The following PDLIM5 variants were observed in gnomAD, a reference collection of about 807,000 sequenced individuals.
PDLIM5 encodes the protein PDZ and LIM domain 5, also known as PDZ and LIM domain protein 5.
Under a neutral mutation model 64.2 loss-of-function variants are expected in PDLIM5, and 34 were observed. The observed-to-expected ratio is 0.53, with a 90% CI of 0.40 to 0.71. PDLIM5 has a LOEUF of 0.71. Among genes scored for constraint, PDLIM5 ranks in the 30% least tolerant of loss-of-function variants. The pLI is 0.00. For missense variants in PDLIM5, 683 were observed against 733.6 expected (o/e 0.93, Z 0.80); for synonymous variants, 253 against 269.1 (o/e 0.94, Z 0.59).
intron 2 of PDLIM5, among the ~76,000 whole-genome samples, chr4:94,496,677 A>G (rs1382294179): frequency 6.6e-5 from 10 of 152,040 alleles, no homozygotes; most frequent in African/African-American, 2.2e-4. Flanking sequence ...TTTTGTAGAG[A>G]CAGGGTTTTA....
intron 9 of PDLIM5, among the ~76,000 whole-genome samples, chr4:94,652,255 C>G (rs1741898774): frequency 6.6e-6 from 1 of 152,286 alleles, no homozygotes; most frequent in East Asian, 1.9e-4. Context: ...AGTCCTCCAG[C>G]CTTATGGATG....
At chr4:94,455,745 A>G in intron 2 of PDLIM5, 1 of 1,494,328 alleles carries the variant, frequency 6.7e-7, no homozygotes, top group Non-Finnish European at 9.0e-7. Flanking sequence ...AATCTCTTTC[A>G]GTTCCAAAAG....
intron 3 of PDLIM5, among the ~76,000 whole-genome samples, chr4:94,564,344 G>A (rs969165431): frequency 6.6e-6 from 1 of 152,092 alleles, no homozygotes; most frequent in Non-Finnish European, 1.5e-5. Flanking sequence ...TCTGCCCCCA[G>A]CCATCTCTGC....
chr4:94,537,361 G>T (rs1012964763), intron 3 of PDLIM5, among the ~76,000 whole-genome samples: 1 of 152,050 alleles, frequency 6.6e-6, no homozygotes, highest in Admixed American at 6.6e-5. Flanking sequence ...TGAAATAATA[G>T]GTTATTTATT....
chr4:94,523,407 G>A (rs1393022917), intron 2 of PDLIM5, among the ~76,000 whole-genome samples: 1 of 152,112 alleles, frequency 6.6e-6, no homozygotes, highest in East Asian at 1.9e-4. Flanking sequence ...AAGTTTCCTT[G>A]GCTGCTTCTC....
At chr4:94,627,941 C>G (rs926226351) in intron 8 of PDLIM5, among the ~76,000 whole-genome samples, 2 of 152,156 alleles carry the variant, frequency 1.3e-5, no homozygotes, top group African/African-American at 4.8e-5. Flanking sequence ...AATGTATCTT[C>G]CACACCAGAA....
At chr4:94,654,420 T>C in intron 9 of PDLIM5, 40 bp from the exon 10 acceptor site, 1 of 1,364,792 alleles carries the variant, frequency 7.3e-7, no homozygotes, top group South Asian at 1.2e-5. Flanking sequence ...CTCTAGAAAT[T>C]TTATTCTCAA....
chr4:94,523,866 C>T lies in PDLIM5; in HGVS notation c.239C>T (p.Thr80Ile). 1.2e-6 allele frequency: 2 copies of T among 1,611,244 alleles called. No homozygotes were observed. The highest frequency in any genetic ancestry group is 1.7e-6 in the Non-Finnish European group (2 of 1,178,210). The change falls in exon 3 of 13, where the codon ACT becomes ATT. Residue 80 changes from threonine (T) to isoleucine (I), a missense_variant. Transcript: ENST00000317968. ...IKGCTGSLNM[T>I]LQRASAAPKP... ...GGTTGTACAGGCTCTTTGAATATGA[C>T]TCTGCAAAGGTAAGTTGCTTTTTGT... is the stretch of plus-strand genomic sequence containing the variant.
intron 3 of PDLIM5, among the ~76,000 whole-genome samples, chr4:94,531,685 C>T (rs749902237): frequency 6.6e-6 from 1 of 152,194 alleles, no homozygotes; most frequent in Non-Finnish European, 1.5e-5. Context: ...CAGATCAGTT[C>T]ATAGCTTATG....
At chr4:94,635,120 C>T (rs982512405) in intron 8 of PDLIM5, among the ~76,000 whole-genome samples, 1 of 151,840 alleles carries the variant, frequency 6.6e-6, no homozygotes, top group African/African-American at 2.4e-5. Flanking sequence ...TTAAAGTTAA[C>T]GAAAGAGATT....
In PDLIM5 at chr4:94,478,905, T is replaced by G. The variant is rs958574302; in HGVS notation, c.96+23521T>G. Among the ~76,000 whole-genome samples, 11 of 147,256 alleles carry G rather than the reference T, an allele frequency of 7.5e-5. No individual in the cohort carries two copies. The South Asian group carries it at 1.7e-3, about 23-fold the overall frequency. On this transcript the variant is annotated intron_variant, in intron 2 of 12. Coordinates refer to ENST00000317968, the MANE Select transcript of PDLIM5 (RefSeq NM_006457.5). ...TGTGCTTGGTGTTTTTTTTTTTTTTTTTTTTTTTTTTTAAGACAGGGTCTT... is the reference window on the plus strand; with the variant it reads ...TGTGCTTGGTGTTTTTTTTTTTTTTGTTTTTTTTTTTTAAGACAGGGTCTT...
chr4:94,597,492 G>A (rs534908985), intron 7 of PDLIM5, among the ~76,000 whole-genome samples: 2 of 152,080 alleles, frequency 1.3e-5, no homozygotes, highest in African/African-American at 2.4e-5. Flanking sequence ...AAGTGATGTC[G>A]TCAAGGGTGA....
rs190084455 is a variant in PDLIM5 at position 94,628,163 on chromosome 4, G to T, written c.1108+9972G>T. ...AGGTAGTTATTATTGCTGTTTTACAGATGAGGTAACTTAAGACCCAGAATG... is the reference window on the plus strand; with the variant it reads ...AGGTAGTTATTATTGCTGTTTTACATATGAGGTAACTTAAGACCCAGAATG... On this transcript the variant is annotated intron_variant, in intron 8 of 12. Coordinates refer to ENST00000317968, the MANE Select transcript of PDLIM5 (RefSeq NM_006457.5). Among the ~76,000 whole-genome samples, 9 of 152,266 alleles carry T rather than the reference G, an allele frequency of 5.9e-5. No homozygotes were observed. In the East Asian group the frequency reaches 1.7e-3, roughly 29 times the overall value.
chr4:94,545,486 A>C (rs906880679), intron 3 of PDLIM5, among the ~76,000 whole-genome samples: 1 of 152,210 alleles, frequency 6.6e-6, no homozygotes, highest in African/African-American at 2.4e-5. Flanking sequence ...CACATACCAA[A>C]AATGGAAAAA....
chr4:94,652,572 GTTATT>G (rs1741923858), intron 9 of PDLIM5, among the ~76,000 whole-genome samples: 1 of 152,110 alleles, frequency 6.6e-6, no homozygotes, highest in African/African-American at 2.4e-5. Flanking sequence ...GAATAGGATT[GTTATT>G]TTATAAGTCA....
intron 3 of PDLIM5, among the ~76,000 whole-genome samples, chr4:94,540,742 C>T (rs1444287086): frequency 2.6e-5 from 4 of 152,300 alleles, no homozygotes; most frequent in African/African-American, 9.6e-5. Context: ...TGCTTACCTT[C>T]TATTTAAAAC....
intron 7 of PDLIM5, among the ~76,000 whole-genome samples, chr4:94,607,402 AACTT>A (rs1449094800): frequency 1.3e-5 from 2 of 152,072 alleles, no homozygotes; most frequent in Non-Finnish European, 2.9e-5. Flanking sequence ...GTTCTTCTAG[AACTT>A]ACTTCTGGCA....
intron 2 of PDLIM5, among the ~76,000 whole-genome samples, chr4:94,503,471 A>G (rs921004743): frequency 3.9e-5 from 6 of 152,216 alleles, no homozygotes; most frequent in African/African-American, 1.2e-4. Context: ...ATAGCCTCTC[A>G]TCGTGTAGTA....
intron 3 of PDLIM5, among the ~76,000 whole-genome samples, chr4:94,556,860 G>A (rs1733380186): frequency 6.6e-6 from 1 of 152,136 alleles, no homozygotes; most frequent in African/African-American, 2.4e-5. Context: ...TAGGTTGCCT[G>A]TTCACTCTGA....
Sources: gnomAD v4.1 joint callset for allele counts (sites outside exome capture counted in the v4.1 genomes callset) on GRCh38, gnomAD v4.1.1 for gene constraint, MANE v1.5 for transcripts, NCBI Gene and HGNC (gene_info 2026-07-23, HGNC 2026-07-21) for gene names.